TMEM255A: variants seen among roughly 807,000 people sequenced by gnomAD.
TMEM255A encodes the protein transmembrane protein 255A.
A neutral mutation model predicts 23.5 loss-of-function variants in TMEM255A; 14 were observed. The ratio of observed to expected loss-of-function variants is 0.60; its 90% CI spans 0.39 to 0.93. The LOEUF is 0.93. Among genes scored for constraint, TMEM255A ranks in the 40% least tolerant of loss-of-function variants. The pLI is 0.00. For missense variants in TMEM255A, 233 were observed against 261.7 expected (o/e 0.89, Z 0.76); for synonymous variants, 104 against 100.3 (o/e 1.04, Z -0.22).
rs781823252 is a variant in TMEM255A at position 120,278,682 on chromosome X, T to A, written c.513-1635A>T. 4.2e-4 allele frequency among the ~76,000 whole-genome samples: 47 copies of A among 112,467 alleles called. No homozygotes were observed. The South Asian group carries it at 0.013, about 31-fold the overall frequency. On this transcript the variant is annotated intron_variant, in intron 6 of 8. Transcript: ENST00000371369. ...CCCTGGCATTAGGATGATTATTACA[T>A]GTGACTCCCCTGCTATAAGAATGCA...
intron 1 of TMEM255A, among the ~76,000 whole-genome samples, chrX:120,310,977 G>C (rs1368390923): frequency 9.1e-6 from 1 of 110,056 alleles, no homozygotes; most frequent in Non-Finnish European, 1.9e-5. Flanking sequence ...CAAGTCTGTA[G>C]ACACACGCAC....
chrX:120,262,284 C>T lies in TMEM255A; in HGVS notation c.820-1256G>A, dbSNP rs1184809809. Among the ~76,000 whole-genome samples the T allele has an allele frequency of 8.1e-5, 9 of 111,126 alleles. No homozygotes were observed. The East Asian group carries it at 8.4e-4, about 10-fold the overall frequency. The stretch of plus-strand genomic sequence containing the variant: ...CAGCTTGGGTGACAGAGTGAGACTC[C>T]GTCTCGAAAATAAATAAATAAATAA... On this transcript the variant is annotated intron_variant, in intron 8 of 8. Coordinates refer to ENST00000371369, the MANE Select transcript of TMEM255A (RefSeq NM_001104544.3).
chrX:120,264,540 C>G (rs1556017180), intron 8 of TMEM255A, among the ~76,000 whole-genome samples: 1 of 111,225 alleles, frequency 9.0e-6, no homozygotes, highest in Non-Finnish European at 1.9e-5. Flanking sequence ...AAGGGTATGA[C>G]TTTGAGGGGT....
intron 4 of TMEM255A, among the ~76,000 whole-genome samples, chrX:120,289,782 A>G (rs782020478): frequency 1.2e-4 from 13 of 112,585 alleles, no homozygotes; most frequent in African/African-American, 3.2e-4. Flanking sequence ...TCAAATGTAC[A>G]CCAACTAGTG....
chrX:120,288,869 T>C (rs1255242081), intron 4 of TMEM255A, among the ~76,000 whole-genome samples: 1 of 112,131 alleles, frequency 8.9e-6, no homozygotes, highest in South Asian at 3.7e-4. Flanking sequence ...AAGAAAACTA[T>C]GGTACAAGAA....
rs189097599 is a variant in TMEM255A, at chrX:120,273,232, G to T, written c.675+3653C>A. 311 of 228,551 alleles carry T rather than the reference G, an allele frequency of 1.4e-3. 3 individuals are homozygous for T. The highest frequency in any genetic ancestry group is 8.2e-3 in the African/African-American group (279 of 34,080). 18.8% of individuals were successfully genotyped at this position (228,551 alleles called of 1,213,427 possible). A position where few individuals can be genotyped will look rare whatever the true frequency, so the allele number is the denominator to read the frequency against. The stretch of plus-strand genomic sequence containing the variant: ...CAAGGAATATGAGTAGAATCACAGA[G>T]CTGAAGGAAGAAACAGAAGTTAAAA... On this transcript the variant is annotated intron_variant, in intron 7 of 8. Coordinates refer to ENST00000371369, the MANE Select transcript of TMEM255A (RefSeq NM_001104544.3).
At chrX:120,280,269 C>T (rs1254167604) in intron 6 of TMEM255A, among the ~76,000 whole-genome samples, 1 of 110,488 alleles carries the variant, frequency 9.1e-6, no homozygotes, top group African/African-American at 3.3e-5. Context: ...CCTGGGATTA[C>T]AGCCATGAGC....
At chrX:120,278,064 TCTC>T (rs200609269) in intron 6 of TMEM255A, among the ~76,000 whole-genome samples, 5,234 of 109,138 alleles carry the variant, frequency 0.048, 191 homozygotes, top group East Asian at 0.1. Context: ...AAGATCTCGC[TCTC>T]CTCCTCCTCC....
intron 5 of TMEM255A, among the ~76,000 whole-genome samples, 174 bp from the exon 6 acceptor site, chrX:120,285,389 G>T (rs782372166): frequency 1.8e-5 from 2 of 111,697 alleles, no homozygotes; most frequent in South Asian, 7.6e-4. Context: ...TTGTGCATGA[G>T]GCAAGTCACT....
At chrX:120,265,350 A>G (rs1569331760) in intron 8 of TMEM255A, among the ~76,000 whole-genome samples, 3 of 112,192 alleles carry the variant, frequency 2.7e-5, no homozygotes, top group East Asian at 2.8e-4. Flanking sequence ...AAAGTCTTCA[A>G]ACAGGAAATA....
At chrX:120,286,564 G>C (rs188175562) in intron 5 of TMEM255A, among the ~76,000 whole-genome samples, 1 of 111,879 alleles carries the variant, frequency 8.9e-6, no homozygotes, top group African/African-American at 3.2e-5. Context: ...AGAGCTGTTT[G>C]GGGCAGAAGA....
intron 6 of TMEM255A, among the ~76,000 whole-genome samples, chrX:120,277,533 G>A (rs1437690090): frequency 9.0e-6 from 1 of 111,079 alleles, no homozygotes; most frequent in Non-Finnish European, 1.9e-5. Context: ...GACAGAGCAG[G>A]TTACAGAACA....
intron 7 of TMEM255A, among the ~76,000 whole-genome samples, chrX:120,270,256 G>A (rs1603400433): frequency 9.1e-6 from 1 of 110,190 alleles, no homozygotes; most frequent in South Asian, 3.9e-4. Flanking sequence ...ATAAATTTGG[G>A]CCCTGTTTCT....
chrX:120,271,261 G>C (rs950848415), intron 7 of TMEM255A, among the ~76,000 whole-genome samples: 14 of 112,075 alleles, frequency 1.2e-4, no homozygotes, highest in South Asian at 7.6e-4. Context: ...ATGTTAGTCA[G>C]GGGCAGCTGG....
At chrX:120,278,140 G>T (rs782357158) in intron 6 of TMEM255A, among the ~76,000 whole-genome samples, 1 of 10,505 alleles carries the variant, frequency 9.5e-5, no homozygotes, top group Non-Finnish European at 1.9e-4. Context: ...ACCCACCCCC[G>T]ACCCCGACTT....
intron 6 of TMEM255A, among the ~76,000 whole-genome samples, chrX:120,281,057 C>T (rs781967685): frequency 1.8e-5 from 2 of 112,205 alleles, no homozygotes; most frequent in South Asian, 7.4e-4. Context: ...GTGTTGGTAG[C>T]GTATCAGTGC....
intron 8 of TMEM255A, among the ~76,000 whole-genome samples, chrX:120,265,096 C>T (rs975539291): frequency 9.0e-6 from 1 of 110,827 alleles, no homozygotes; most frequent in Non-Finnish European, 1.9e-5. Flanking sequence ...AGGCTGGTCT[C>T]GAACTCCCGA....
chrX:120,262,087 T>C (rs1292813527), intron 8 of TMEM255A, among the ~76,000 whole-genome samples: 2 of 111,287 alleles, frequency 1.8e-5, no homozygotes, highest in African/African-American at 6.5e-5. Context: ...GTCAGGAGTT[T>C]GAGACCAGCC....
intron 5 of TMEM255A, chrX:120,285,490 G>A (rs2057867685): frequency 1.1e-6 from 1 of 881,666 alleles, no homozygotes; most frequent in Non-Finnish European, 1.6e-6. Context: ...ACAGATGGAA[G>A]GACAGACGGA....
Sources: gnomAD v4.1 joint callset for allele counts (sites outside exome capture counted in the v4.1 genomes callset) on GRCh38, gnomAD v4.1.1 for gene constraint, MANE v1.5 for transcripts, NCBI Gene and HGNC (gene_info 2026-07-23, HGNC 2026-07-21) for gene names.